Variants in FTCDNL1 observed in about 807,000 individuals in gnomAD.
The protein encoded by FTCDNL1 is formiminotransferase cyclodeaminase N-terminal like.
Under a neutral mutation model 5.9 loss-of-function variants are expected in FTCDNL1, and 11 were observed. The observed-to-expected ratio is 1.87, with a 90% confidence interval of 1.18 to 3.10. FTCDNL1 has a LOEUF of 3.10. Among genes scored for constraint, FTCDNL1 ranks in the 30% most tolerant of loss-of-function variants. FTCDNL1 has a pLI of 0.00. For missense variants in FTCDNL1, 115 were observed against 65.5 expected (o/e 1.76, Z -2.61); for synonymous variants, 58 against 24.8 (o/e 2.34, Z -3.99).
chr2:199,666,582 T>A, the FTCDNL1 span, among the ~76,000 whole-genome samples: 1 of 152,134 alleles, frequency 6.6e-6, no homozygotes. Context: ...TCCTCAGAAC[T>A]CTTGGTTTTA....
chr2:199,834,910 A>C (rs1483536077), intron 3 of FTCDNL1, among the ~76,000 whole-genome samples: 3 of 152,224 alleles, frequency 2.0e-5, no homozygotes, highest in African/African-American at 4.8e-5. Context: ...GTGGTGGCTC[A>C]TGCCTATAAT....
the FTCDNL1 span, among the ~76,000 whole-genome samples, chr2:199,667,572 G>C: frequency 6.6e-6 from 1 of 152,146 alleles, no homozygotes; most frequent in Admixed American, 6.5e-5. Flanking sequence ...GGAGGTCGAG[G>C]CTTCAGTAAG....
rs1701571198 is a variant in FTCDNL1, at chr2:199,819,726, A to G, written c.243T>C (p.Pro81=). 1.4e-6 allele frequency: 1 copy of G among 702,212 alleles called. No homozygotes were observed. Among genetic ancestry groups the G allele is most frequent in the South Asian group, 1.5e-5 (1 of 67,600 alleles). The allele number at this position is 702,212 out of a possible 1,614,324, so 43.5% of individuals were successfully genotyped here. Residue 81 remains proline, a synonymous_variant, in exon 4 of 5, where the codon CCT becomes CCC. Transcript: ENST00000420128. ...GLAEDLVLHV[P]GCSVFLFGEA... is the part of the protein sequence containing the mutation. ...CGCCAAAGAGAAACACGCTGCAGCC[A>G]GGAACATGCAGCACCAGATCCTCAG...
intron 3 of FTCDNL1, among the ~76,000 whole-genome samples, chr2:199,799,458 A>T (rs1167757642): frequency 6.6e-6 from 1 of 152,182 alleles, no homozygotes; most frequent in Non-Finnish European, 1.5e-5. Flanking sequence ...ACTTAGAGAA[A>T]TTCAAATAGG....
the FTCDNL1 span, among the ~76,000 whole-genome samples, chr2:199,743,619 C>G: frequency 1.3e-5 from 2 of 151,998 alleles, no homozygotes; most frequent in African/African-American, 2.4e-5. Flanking sequence ...TCTCCTGAGA[C>G]TACATGCTGT....
the FTCDNL1 span, among the ~76,000 whole-genome samples, chr2:199,704,730 G>A: frequency 3.3e-5 from 5 of 152,074 alleles, 1 homozygote; most frequent in East Asian, 9.6e-4. Context: ...CCTCCTATCA[G>A]TGCCCCCACC....
At chr2:199,824,654 G>C (rs1234900624) in intron 3 of FTCDNL1, among the ~76,000 whole-genome samples, 1 of 152,146 alleles carries the variant, frequency 6.6e-6, no homozygotes, top group Non-Finnish European at 1.5e-5. Context: ...CCATTGTTGG[G>C]TTATTAATTG....
chr2:199,754,709 C>T, the FTCDNL1 span, among the ~76,000 whole-genome samples: 4 of 152,266 alleles, frequency 2.6e-5, no homozygotes, highest in South Asian at 8.3e-4. Context: ...AGAGTGAATC[C>T]TGTGAACGTT....
At chr2:199,669,948 A>C in the FTCDNL1 span, among the ~76,000 whole-genome samples, 2 of 152,204 alleles carry the variant, frequency 1.3e-5, no homozygotes, top group African/African-American at 4.8e-5. Context: ...ATAGCTCTCA[A>C]GTTGAAACAA....
At chr2:199,765,583 G>A (rs1334243094) in intron 3 of FTCDNL1, among the ~76,000 whole-genome samples, 4 of 56,232 alleles carry the variant, frequency 7.1e-5, no homozygotes, top group Non-Finnish European at 1.4e-4. Flanking sequence ...TGGAGATGGC[G>A]TCTCACTAGG....
At chr2:199,808,754 C>T (rs1020864440), downstream of FTCDNL1, among the ~76,000 whole-genome samples, 1 of 152,178 alleles carries the variant, frequency 6.6e-6, no homozygotes, top group Admixed American at 6.5e-5. Context: ...TAGAATAGAC[C>T]TAGAAAAACT....
At chr2:199,718,975 T>C in the FTCDNL1 span, among the ~76,000 whole-genome samples, 1 of 151,940 alleles carries the variant, frequency 6.6e-6, no homozygotes, top group Non-Finnish European at 1.5e-5. Context: ...AGTTTGCAAA[T>C]TTTTTTTCCC....
At chr2:199,687,263 A>T in the FTCDNL1 span, among the ~76,000 whole-genome samples, 4 of 152,352 alleles carry the variant, frequency 2.6e-5, no homozygotes, top group South Asian at 8.3e-4. Context: ...AGAATATAGC[A>T]AAAGTTCAAG....
At chr2:199,828,846 T>C (rs11896661) in intron 3 of FTCDNL1, among the ~76,000 whole-genome samples, 2,130 of 152,288 alleles carry the variant, frequency 0.014, 45 homozygotes, top group African/African-American at 0.049. Flanking sequence ...TCAGTGTCCA[T>C]TCTAAACCAA....
At chr2:199,736,674 C>G in the FTCDNL1 span, among the ~76,000 whole-genome samples, 1 of 152,126 alleles carries the variant, frequency 6.6e-6, no homozygotes, top group Admixed American at 6.5e-5. Flanking sequence ...CAGAGTCAAG[C>G]CTGGTGATGT....
At chr2:199,775,188 G>A (rs1014443935) in intron 3 of FTCDNL1, among the ~76,000 whole-genome samples, 4 of 152,216 alleles carry the variant, frequency 2.6e-5, no homozygotes, top group African/African-American at 7.2e-5. Context: ...ATGCTTTGGT[G>A]ATTAGATTCT....
intron 3 of FTCDNL1, among the ~76,000 whole-genome samples, chr2:199,788,557 A>G (rs1699770401): frequency 6.6e-6 from 1 of 152,210 alleles, no homozygotes; most frequent in Admixed American, 6.5e-5. Context: ...AGATCTTTGC[A>G]GAGAAAAATT....
In FTCDNL1 at chr2:199,768,573, AG is replaced by A. The variant is rs1333138703; in HGVS notation, c.212-7739del. Among the ~76,000 whole-genome samples, 9 of 114,366 alleles carry A rather than the reference AG, an allele frequency of 7.9e-5. No homozygotes were observed. The East Asian group carries it at 3.7e-3, about 47-fold the overall frequency. The allele number at this position is 114,366 out of a possible 152,430, so 75.0% of individuals were successfully genotyped here. A position where few individuals can be genotyped will look rare whatever the true frequency, so the allele number is the denominator to read the frequency against. On this transcript the variant is annotated intron_variant, in intron 3 of 3. Coordinates refer to the FTCDNL1 transcript ENST00000416668. ...TTCCCCTTTTCCCATAGTTGAGATT[AG>A]TTTTTTTTTTTAATTAGGAAATCAG...
chr2:199,777,506 T>C (rs937930717), intron 3 of FTCDNL1, among the ~76,000 whole-genome samples: 10 of 152,312 alleles, frequency 6.6e-5, no homozygotes, highest in African/African-American at 2.4e-4. Context: ...ACTGATTGGA[T>C]GAGGCCCACC....
Sources: gnomAD v4.1 joint callset for allele counts (sites outside exome capture counted in the v4.1 genomes callset) on GRCh38, gnomAD v4.1.1 for gene constraint, MANE v1.5 for transcripts, NCBI Gene and HGNC (gene_info 2026-07-23, HGNC 2026-07-21) for gene names.